The following ARHGEF28 variants were observed in gnomAD, a reference collection of about 807,000 sequenced individuals.
The protein encoded by ARHGEF28 is Rho guanine nucleotide exchange factor 28.
In ARHGEF28, 152 loss-of-function variants were observed where a neutral mutation model predicts 206.6. The observed-to-expected ratio is 0.74, with a 90% confidence interval of 0.64 to 0.84. ARHGEF28 has a LOEUF of 0.84. Among genes scored for constraint, ARHGEF28 ranks in the 40% least tolerant of loss-of-function variants. ARHGEF28 has a pLI of 0.00. For synonymous variants in ARHGEF28, 763 were observed against 776.4 expected, an observed-to-expected ratio of 0.98 and a Z score of 0.29; for missense variants, 2,028 against 2,073.2, an observed-to-expected ratio of 0.98 and a Z score of 0.42.
At chr5:73,837,433 A>G (rs1378664696) in intron 10 of ARHGEF28, among the ~76,000 whole-genome samples, 2 of 152,118 alleles carry the variant, frequency 1.3e-5, no homozygotes. Flanking sequence ...TGATTTTAAT[A>G]GATTTATTCT....
intron 1 of ARHGEF28, among the ~76,000 whole-genome samples, chr5:73,631,739 T>C (rs975760781): frequency 6.6e-6 from 1 of 152,224 alleles, no homozygotes; most frequent in Admixed American, 6.5e-5. Flanking sequence ...CCAGTTCTGT[T>C]AGCCAGGACT....
intron 22 of ARHGEF28, among the ~76,000 whole-genome samples, chr5:73,881,172 C>T (rs916044199): frequency 1.1e-4 from 17 of 151,976 alleles, no homozygotes; most frequent in African/African-American, 2.4e-5. Flanking sequence ...TTTCACTGAT[C>T]TATGGATCTA....
At chr5:73,749,793 A>G (rs766908363) in intron 2 of ARHGEF28, 44 bp from the exon 3 acceptor site, 4 of 1,607,384 alleles carry the variant, frequency 2.5e-6, no homozygotes, top group Non-Finnish European at 2.6e-6. Flanking sequence ...TCTTAGAGCC[A>G]GGACAAGGAA....
intron 35 of ARHGEF28, among the ~76,000 whole-genome samples, chr5:73,922,637 G>A (rs541767120): frequency 1.3e-5 from 2 of 152,206 alleles, no homozygotes; most frequent in South Asian, 4.1e-4. Flanking sequence ...CCTTGGATGT[G>A]TGTATATTGT....
intron 2 of ARHGEF28, among the ~76,000 whole-genome samples, chr5:73,692,680 C>G (rs780663042): frequency 6.6e-6 from 1 of 152,204 alleles, no homozygotes; most frequent in African/African-American, 2.4e-5. Context: ...GGAGCATGCT[C>G]CCCTTGGTCC....
At chr5:73,878,521 G>A (rs1436426245) in intron 22 of ARHGEF28, among the ~76,000 whole-genome samples, 2 of 151,800 alleles carry the variant, frequency 1.3e-5, no homozygotes, top group Admixed American at 6.6e-5. Flanking sequence ...TCCTAGTCTC[G>A]ATGGTCTTTA....
At chr5:73,841,862 A>G (rs1758011294) in intron 11 of ARHGEF28, among the ~76,000 whole-genome samples, 1 of 152,172 alleles carries the variant, frequency 6.6e-6, no homozygotes, top group Non-Finnish European at 1.5e-5. Flanking sequence ...GATGGCCAGT[A>G]TCCAAGTTTC....
chr5:73,892,971 T>A (rs1761736488), intron 27 of ARHGEF28, among the ~76,000 whole-genome samples: 1 of 152,210 alleles, frequency 6.6e-6, no homozygotes, highest in South Asian at 2.1e-4. Flanking sequence ...CTGGAATATT[T>A]GAGTCATCCC....
chr5:73,628,755 A>G (rs1743170832), intron 1 of ARHGEF28, among the ~76,000 whole-genome samples: 1 of 152,200 alleles, frequency 6.6e-6, no homozygotes, highest in Non-Finnish European at 1.5e-5. Flanking sequence ...TAAATATGCC[A>G]CCCTGTCAGA....
At chr5:73,780,507 C>T in intron 6 of ARHGEF28, 169 bp from the exon 7 acceptor site, 1 of 634,696 alleles carries the variant, frequency 1.6e-6, no homozygotes, top group Non-Finnish European at 2.7e-6. Context: ...GCTCGCCCTC[C>T]TGCTGGGGTG....
intron 7 of ARHGEF28, among the ~76,000 whole-genome samples, chr5:73,784,673 C>T (rs780169146): frequency 6.6e-6 from 1 of 152,050 alleles, no homozygotes; most frequent in Non-Finnish European, 1.5e-5. Context: ...GGGATAAGTT[C>T]CAAGATCTCT....
At chr5:73,901,145 G>T in intron 30 of ARHGEF28, 39 bp from the exon 31 acceptor site, 1 of 1,572,000 alleles carries the variant, frequency 6.4e-7, no homozygotes. Context: ...GATGTTTGAC[G>T]CTGTCCTTTT....
chr5:73,650,892 A>G (rs2544640), intron 1 of ARHGEF28, among the ~76,000 whole-genome samples: 118,767 of 152,094 alleles, frequency 0.78, 46,862 homozygotes, highest in African/African-American at 0.89. Context: ...CAAGTGATCC[A>G]CCCACCTCAG....
At position 73,822,724 on chromosome 5, in the gene ARHGEF28, G is replaced by A. The variant is rs575555970; in HGVS notation, c.1025-9614G>A. Among the ~76,000 whole-genome samples the A allele has an allele frequency of 2.0e-5, 3 of 152,278 alleles. No individual in the cohort carries two copies. The South Asian group carries it at 6.2e-4, about 32-fold the overall frequency. On this transcript the variant is annotated intron_variant, in intron 9 of 35. Transcript: ENST00000513042. ...TGCAGCTTCTAACTGCTGAGCTCAA[G>A]TGATCCTCCTGCCTCAGCCTCCTGA...
chr5:73,932,404 G>C (rs568807641), intron 35 of ARHGEF28, among the ~76,000 whole-genome samples: 1 of 152,082 alleles, frequency 6.6e-6, no homozygotes, highest in Non-Finnish European at 1.5e-5. Context: ...TGAGTGTCAT[G>C]GTGGGAAAAA....
In ARHGEF28 at chr5:73,848,959, A is replaced by G; in HGVS notation, c.1636-17A>G. On this transcript the variant is annotated splice_polypyrimidine_tract_variant and intron_variant, in intron 12 of 35. Transcript: ENST00000513042. ...CCATGTATAAATTTTTAAACACTTT[A>G]TTATAATCTCTTTTAGGAATCACTG... 6.7e-7 allele frequency: 1 copy of G among 1,499,130 alleles called. No individual in the cohort carries two copies. Among genetic ancestry groups the G allele is most frequent in the South Asian group, 1.2e-5 (1 of 82,098 alleles). 92.9% of individuals were successfully genotyped at this position (1,499,130 alleles called of 1,614,324 possible). A position where few individuals can be genotyped will look rare whatever the true frequency, so the allele number is the denominator to read the frequency against.
intron 35 of ARHGEF28, among the ~76,000 whole-genome samples, chr5:73,916,558 C>G (rs547774052): frequency 6.6e-6 from 1 of 152,280 alleles, no homozygotes; most frequent in South Asian, 2.1e-4. Context: ...CCTGGTCTTC[C>G]CCCTGTGCCT....
At chr5:73,765,349 T>G (rs1483274098) in intron 4 of ARHGEF28, among the ~76,000 whole-genome samples, 2 of 152,204 alleles carry the variant, frequency 1.3e-5, no homozygotes, top group East Asian at 3.8e-4. Flanking sequence ...AATTTTGACC[T>G]TTTCCTGGGC....
chr5:73,675,004 G>A (rs970993375), intron 1 of ARHGEF28, among the ~76,000 whole-genome samples: 1 of 152,176 alleles, frequency 6.6e-6, no homozygotes, highest in Non-Finnish European at 1.5e-5. Context: ...CCTGAGTTCT[G>A]TGAGCCACAC....
Sources: gnomAD v4.1 joint callset for allele counts (sites outside exome capture counted in the v4.1 genomes callset) on GRCh38, gnomAD v4.1.1 for gene constraint, MANE v1.5 for transcripts, NCBI Gene and HGNC (gene_info 2026-07-23, HGNC 2026-07-21) for gene names.